The following ITGA1 variants were observed in gnomAD, a reference collection of about 807,000 sequenced individuals.
The protein encoded by ITGA1 is integrin subunit alpha 1.
In ITGA1, 85 loss-of-function variants were observed where a neutral mutation model predicts 145.9. The observed-to-expected ratio is 0.58, with a 90% confidence interval of 0.49 to 0.70. ITGA1 has a LOEUF of 0.70. Among genes scored for constraint, ITGA1 ranks in the 30% least tolerant of loss-of-function variants. ITGA1 has a pLI of 0.00. For synonymous variants in ITGA1, 520 were observed against 495.3 expected (o/e 1.05, Z -0.66); for missense variants, 1,351 against 1,418.7 (o/e 0.95, Z 0.77).
chr5:52,828,330 T>G (rs1289964846), intron 1 of ITGA1, among the ~76,000 whole-genome samples: 1 of 151,972 alleles, frequency 6.6e-6, no homozygotes, highest in African/African-American at 2.4e-5. Flanking sequence ...TGTTTTTGTG[T>G]TTTTTTTATT....
At chr5:52,889,170 G>A (rs1038172427) in intron 8 of ITGA1, among the ~76,000 whole-genome samples, 5 of 149,196 alleles carry the variant, frequency 3.4e-5, no homozygotes, top group South Asian at 4.2e-4. Flanking sequence ...GCACGATCTC[G>A]GCTCACTGCA....
chr5:52,901,885 G>A (rs1750320082), intron 11 of ITGA1: 1 of 152,088 alleles, frequency 6.6e-6, no homozygotes, highest in Non-Finnish European at 1.5e-5. Context: ...TATTTCATTA[G>A]CTTACTCACA....
At chr5:52,882,407 T>A (rs1209887708) in intron 7 of ITGA1, among the ~76,000 whole-genome samples, 1 of 152,064 alleles carries the variant, frequency 6.6e-6, no homozygotes, top group African/African-American at 2.4e-5. Flanking sequence ...CAATATATAT[T>A]TATATTCTAG....
chr5:52,791,742 CCT>C (rs1332626138), intron 1 of ITGA1, among the ~76,000 whole-genome samples: 1 of 59,384 alleles, frequency 1.7e-5, no homozygotes, highest in East Asian at 3.6e-4. Flanking sequence ...TTTTTCACTC[CCT>C]CAGCTTGTTG....
chr5:52,862,710 T>A (rs958424852), intron 3 of ITGA1, among the ~76,000 whole-genome samples: 2 of 152,164 alleles, frequency 1.3e-5, no homozygotes, highest in Non-Finnish European at 2.9e-5. Context: ...TTGAAATAGA[T>A]GTATTTGACA....
chr5:52,840,561 A>G (rs1749238184), intron 1 of ITGA1, among the ~76,000 whole-genome samples: 1 of 152,184 alleles, frequency 6.6e-6, no homozygotes, highest in South Asian at 2.1e-4. Context: ...CTGTTTAAGA[A>G]TTTTAGAGAT....
intron 14 of ITGA1, among the ~76,000 whole-genome samples, chr5:52,913,578 A>T (rs572552583): frequency 6.6e-6 from 1 of 152,230 alleles, no homozygotes; most frequent in African/African-American, 2.4e-5. Context: ...CTATAAAAAC[A>T]AAAGAATTTA....
chr5:52,834,560 G>GAGAGAGAAGAA (rs1554042407), intron 1 of ITGA1, among the ~76,000 whole-genome samples: 1 of 130,690 alleles, frequency 7.7e-6, no homozygotes, highest in Admixed American at 7.6e-5. Flanking sequence ...GAAAGAGAGA[G>GAGAGAGAAGAA]AGAAAGAGAG....
At chr5:52,918,393 A>G (rs771328113) in intron 15 of ITGA1, among the ~76,000 whole-genome samples, 40 of 152,140 alleles carry the variant, frequency 2.6e-4, no homozygotes, top group Admixed American at 6.5e-5. Context: ...GGACCTTTAG[A>G]CTTCTTTCAA....
chr5:52,827,162 T>C (rs929365544), intron 1 of ITGA1, among the ~76,000 whole-genome samples: 1 of 151,394 alleles, frequency 6.6e-6, no homozygotes, highest in Admixed American at 6.6e-5. Flanking sequence ...TAGTAGAAAC[T>C]GATTTCCAAC....
At position 52,818,323 on chromosome 5, in the gene ITGA1, G is replaced by A. The variant is rs116481053; in HGVS notation, c.61+29909G>A. On this transcript the variant is annotated intron_variant, in intron 1 of 28. Transcript: ENST00000282588. ...TGTAACTGGCCACTATTACTTTTTG[G>A]AGTTCTAACATATGCTTATTTGCAC... Among the ~76,000 whole-genome samples, 1,018 of 152,186 alleles carry A rather than the reference G, an allele frequency of 6.7e-3. 11 individuals carry two copies. The highest frequency in any genetic ancestry group is 0.023 in the African/African-American group (968 of 41,508).
intron 2 of ITGA1, among the ~76,000 whole-genome samples, chr5:52,860,064 G>A (rs973107001): frequency 1.1e-4 from 16 of 152,144 alleles, no homozygotes; most frequent in African/African-American, 2.2e-4. Flanking sequence ...GCAGCTGAGC[G>A]AAGTTATTTA....
intron 6 of ITGA1, among the ~76,000 whole-genome samples, chr5:52,869,350 AG>A (rs1749741629): frequency 6.6e-6 from 1 of 152,034 alleles, no homozygotes; most frequent in African/African-American, 2.4e-5. Flanking sequence ...TAGTAGAGAT[AG>A]GGTTTCGCCA....
chr5:52,854,961 C>T (rs973994531), intron 2 of ITGA1, among the ~76,000 whole-genome samples: 1 of 152,024 alleles, frequency 6.6e-6, no homozygotes, highest in Non-Finnish European at 1.5e-5. Flanking sequence ...TACAAAAATG[C>T]CATATAAAAA....
intron 27 of ITGA1, among the ~76,000 whole-genome samples, chr5:52,946,864 C>G (rs1382471121): frequency 6.6e-6 from 1 of 152,184 alleles, no homozygotes. Flanking sequence ...TACCCATACA[C>G]TTGACATGTA....
chr5:52,949,267 AT>A (rs1751182514), intron 28 of ITGA1, among the ~76,000 whole-genome samples: 1 of 152,182 alleles, frequency 6.6e-6, no homozygotes, highest in Non-Finnish European at 1.5e-5. Context: ...TAATACTCAT[AT>A]CAACCTTATG....
chr5:52,927,949 C>G lies in ITGA1; in HGVS notation c.2694+285C>G, dbSNP rs10038838. ...CCCATGAGGGATTAGTGTCCTCATA[C>G]GAGAGGCTTGAGGGAGACTGCTCAC... On this transcript the variant is annotated intron_variant, in intron 20 of 28. Coordinates refer to ENST00000282588, the MANE Select transcript of ITGA1 (RefSeq NM_181501.2). Among the ~76,000 whole-genome samples, 12 of 152,110 alleles carry G rather than the reference C, an allele frequency of 7.9e-5. No homozygotes were observed. In the East Asian group the frequency reaches 2.1e-3, roughly 27 times the overall value.
intron 14 of ITGA1, among the ~76,000 whole-genome samples, chr5:52,913,895 C>T (rs1454740641): frequency 1.3e-5 from 2 of 152,180 alleles, no homozygotes; most frequent in African/African-American, 4.8e-5. Context: ...TAATTTGTTT[C>T]TGTTGAAAAT....
At chr5:52,845,142 A>C (rs1749313211) in intron 1 of ITGA1, among the ~76,000 whole-genome samples, 1 of 152,146 alleles carries the variant, frequency 6.6e-6, no homozygotes, top group Admixed American at 6.5e-5. Flanking sequence ...AAACAGCCCC[A>C]AAAAGGAAAC....
Sources: gnomAD v4.1 joint callset for allele counts (sites outside exome capture counted in the v4.1 genomes callset) on GRCh38, gnomAD v4.1.1 for gene constraint, MANE v1.5 for transcripts, NCBI Gene and HGNC (gene_info 2026-07-23, HGNC 2026-07-21) for gene names.